Variants in SEMA3E observed in about 807,000 individuals in gnomAD.
SEMA3E encodes semaphorin 3E.
A neutral mutation model predicts 93.6 loss-of-function variants in SEMA3E; 49 were observed. The ratio of observed to expected loss-of-function variants is 0.52; its 90% CI spans 0.42 to 0.66. The LOEUF is 0.66. SEMA3E is among the 30% of genes least tolerant of loss of function. The pLI is 0.00. For missense variants in SEMA3E, 906 were observed against 964.8 expected (o/e 0.94, Z 0.81); for synonymous variants, 363 against 330.7 (o/e 1.10, Z -1.06).
intron 1 of SEMA3E, chr7:83,612,463 A>T (rs1034138552): frequency 2.6e-5 from 4 of 152,178 alleles, no homozygotes; most frequent in African/African-American, 9.7e-5. Flanking sequence ...TATGGAAAAA[A>T]TAGGTATATC....
chr7:83,629,137 G>T (rs952395819), intron 1 of SEMA3E, among the ~76,000 whole-genome samples: 1 of 152,146 alleles, frequency 6.6e-6, no homozygotes, highest in Non-Finnish European at 1.5e-5. Flanking sequence ...ACCAGTGGAG[G>T]CTGCAAAACA....
chr7:83,468,412 A>G (rs1584269000), intron 3 of SEMA3E, among the ~76,000 whole-genome samples: 1 of 152,184 alleles, frequency 6.6e-6, no homozygotes. Context: ...CTAGATTGAC[A>G]TGGCCTAAGA....
At chr7:83,475,599 G>A (rs967917508) in intron 2 of SEMA3E, among the ~76,000 whole-genome samples, 1 of 152,098 alleles carries the variant, frequency 6.6e-6, no homozygotes. Context: ...ACCCCCTGCA[G>A]GACCGGAGGG....
chr7:83,562,427 G>C lies in SEMA3E; in HGVS notation c.116-72153C>G, dbSNP rs569769445. On this transcript the variant is annotated intron_variant, in intron 1 of 16. Coordinates refer to ENST00000643230, the MANE Select transcript of SEMA3E (RefSeq NM_012431.3). ...TCCCAGATATACTTTCAGGGCTACA[G>C]GTAGTGGCAGCCATAGGAAGGCTTT... Among the ~76,000 whole-genome samples the C allele has an allele frequency of 2.6e-5, 4 of 151,954 alleles. No individual in the cohort carries two copies. The South Asian group carries it at 8.3e-4, about 32-fold the overall frequency.
intron 1 of SEMA3E, among the ~76,000 whole-genome samples, chr7:83,568,868 A>T (rs2115860585): frequency 6.6e-6 from 1 of 152,232 alleles, no homozygotes; most frequent in South Asian, 2.1e-4. Flanking sequence ...TAAAAGTCCT[A>T]GTCAGAGCAA....
intron 1 of SEMA3E, among the ~76,000 whole-genome samples, chr7:83,587,445 G>A (rs1052455698): frequency 1.3e-5 from 2 of 152,108 alleles, no homozygotes; most frequent in African/African-American, 4.8e-5. Flanking sequence ...AAAAAGTTAC[G>A]TGGATGAAAG....
intron 1 of SEMA3E, among the ~76,000 whole-genome samples, chr7:83,547,795 C>T (rs1791681762): frequency 6.6e-6 from 1 of 152,008 alleles, no homozygotes; most frequent in Admixed American, 6.6e-5. Context: ...AGGGGTATAT[C>T]CTGCCTTTTA....
At chr7:83,442,205 GT>G (rs1389781746) in intron 4 of SEMA3E, among the ~76,000 whole-genome samples, 1 of 150,578 alleles carries the variant, frequency 6.6e-6, no homozygotes, top group Non-Finnish European at 1.5e-5. Context: ...TTATATTTGA[GT>G]TTTACTTAGA....
intron 2 of SEMA3E, among the ~76,000 whole-genome samples, chr7:83,480,689 A>G (rs991182061): frequency 6.6e-6 from 1 of 152,154 alleles, no homozygotes; most frequent in Non-Finnish European, 1.5e-5. Flanking sequence ...TTTAAAACTT[A>G]ACAATTTTAC....
At chr7:83,598,511 C>T (rs1197532487) in intron 1 of SEMA3E, among the ~76,000 whole-genome samples, 1 of 152,138 alleles carries the variant, frequency 6.6e-6, no homozygotes, top group Admixed American at 6.6e-5. Context: ...CTATTCTTTG[C>T]TTGCCCATAT....
intron 2 of SEMA3E, among the ~76,000 whole-genome samples, chr7:83,473,291 G>C (rs1789941823): frequency 1.3e-5 from 2 of 152,160 alleles, no homozygotes; most frequent in African/African-American, 4.8e-5. Context: ...AAGGATTCAG[G>C]TACAGCCTTT....
At chr7:83,432,023 G>C (rs1276071079) in intron 4 of SEMA3E, among the ~76,000 whole-genome samples, 1 of 151,694 alleles carries the variant, frequency 6.6e-6, no homozygotes, top group Admixed American at 6.6e-5. Flanking sequence ...CACTTGGAGG[G>C]GCCATGTGTA....
intron 1 of SEMA3E, among the ~76,000 whole-genome samples, chr7:83,610,598 T>G (rs1226285578): frequency 6.6e-6 from 1 of 152,096 alleles, no homozygotes; most frequent in Non-Finnish European, 1.5e-5. Context: ...TAGGGGCTAA[T>G]GTATGTCCCT....
chr7:83,385,101 A>G (rs1475076896), intron 16 of SEMA3E, among the ~76,000 whole-genome samples, 193 bp downstream of exon 16: 4 of 150,360 alleles, frequency 2.7e-5, no homozygotes, highest in Non-Finnish European at 4.4e-5. Context: ...ATATGTATAT[A>G]AAATCTATAT....
At chr7:83,620,345 G>A (rs921727556) in intron 1 of SEMA3E, among the ~76,000 whole-genome samples, 4 of 151,940 alleles carry the variant, frequency 2.6e-5, no homozygotes, top group African/African-American at 7.2e-5. Context: ...CTTAAAGAAA[G>A]TAAGCATGTT....
intron 1 of SEMA3E, among the ~76,000 whole-genome samples, chr7:83,566,068 C>A (rs1792145366): frequency 8.7e-4 from 1 of 1,150 alleles, no homozygotes; most frequent in African/African-American, 0.01. Context: ...ACTATGTGGG[C>A]TCACTGCCAA....
At chr7:83,632,513 C>T (rs1464780414) in intron 1 of SEMA3E, among the ~76,000 whole-genome samples, 1 of 152,020 alleles carries the variant, frequency 6.6e-6, no homozygotes, top group Non-Finnish European at 1.5e-5. Context: ...AACAAGTCTC[C>T]CTGCACAAAC....
chr7:83,559,317 A>G (rs749537836), intron 1 of SEMA3E, among the ~76,000 whole-genome samples: 29 of 152,106 alleles, frequency 1.9e-4, no homozygotes, highest in Non-Finnish European at 2.8e-4. Flanking sequence ...ATGGAATGGA[A>G]GTCATCTTAA....
At chr7:83,385,668 A>G (rs1032069917) in intron 15 of SEMA3E, among the ~76,000 whole-genome samples, 1 of 152,122 alleles carries the variant, frequency 6.6e-6, no homozygotes, top group African/African-American at 2.4e-5. Context: ...GTCTGGTTCC[A>G]AAGGATGGGA....
Sources: allele counts gnomAD v4.1 joint callset (sites outside exome capture counted in the v4.1 genomes callset), GRCh38; gene constraint gnomAD v4.1.1; transcripts MANE v1.5; gene names NCBI Gene and HGNC (gene_info 2026-07-23, HGNC 2026-07-21).